The following HTT variants were observed in gnomAD, a reference collection of about 807,000 sequenced individuals.
HTT encodes huntington disease protein.
HTT carries 104 observed loss-of-function variants against 362.3 expected under a neutral mutation model. The observed-to-expected ratio is 0.29, with a 90% CI of 0.24 to 0.34. The LOEUF (loss-of-function observed/expected upper bound fraction) is 0.34, where lower values mean the gene tolerates loss of function less well. Among genes scored for constraint, HTT ranks in the 10% least tolerant of loss-of-function variants. The probability of loss-of-function intolerance (pLI) is 1.00; values close to 1 mark genes in which losing one functional copy is unlikely to be tolerated. For missense variants in HTT, 3,301 were observed against 3,928.6 expected (o/e 0.84, Z 4.27); for synonymous variants, 1,577 against 1,548.7 (o/e 1.02, Z -0.43).
At chr4:3,099,429 T>A in intron 3 of HTT, 35 bp downstream of exon 3, 1 of 1,611,196 alleles carries the variant, frequency 6.2e-7, no homozygotes, top group Non-Finnish European at 8.5e-7. Flanking sequence ...TCCTCAGAGC[T>A]ATCATTGTTG....
intron 42 of HTT, among the ~76,000 whole-genome samples, chr4:3,205,226 T>G (rs1189412310): frequency 6.6e-6 from 1 of 152,186 alleles, no homozygotes; most frequent in Non-Finnish European, 1.5e-5. Context: ...TAGATTTTGG[T>G]CTAGATTTAA....
At chr4:3,222,562 A>G in intron 54 of HTT, 75 bp downstream of exon 54, 1 of 1,074,438 alleles carries the variant, frequency 9.3e-7, no homozygotes, top group South Asian at 1.3e-5. Context: ...GGAATAAAAT[A>G]AGGCAGCAAG....
At chr4:3,207,185 T>A in intron 44 of HTT, 96 bp from the exon 45 acceptor site, 1 of 1,190,574 alleles carries the variant, frequency 8.4e-7, no homozygotes, top group South Asian at 1.3e-5. Context: ...CTTACTAGGA[T>A]GAACTGTACA....
chr4:3,205,556 A>G (rs1439391934), intron 42 of HTT, among the ~76,000 whole-genome samples: 2 of 152,220 alleles, frequency 1.3e-5, no homozygotes, highest in Non-Finnish European at 2.9e-5. Context: ...TTATAAGTTA[A>G]TAAAGTTTGA....
intron 52 of HTT, 131 bp from the exon 53 acceptor site, chr4:3,220,051 G>A (rs1578600926): frequency 1.1e-6 from 1 of 945,746 alleles, no homozygotes; most frequent in Non-Finnish European, 1.6e-6. Flanking sequence ...GGGGGAGAAG[G>A]TGCCAGCTCT....
At chr4:3,182,304 G>A (rs1219151010) in intron 36 of HTT, 50 bp from the exon 37 acceptor site, 3 of 1,184,450 alleles carry the variant, frequency 2.5e-6, no homozygotes, top group Non-Finnish European at 3.8e-6. Context: ...ACGTAGGGGT[G>A]GAAAGGCGTC....
intron 36 of HTT, among the ~76,000 whole-genome samples, chr4:3,181,441 TTTTCTTA>T (rs1347987219): frequency 2.6e-5 from 4 of 152,208 alleles, no homozygotes; most frequent in African/African-American, 4.8e-5. Flanking sequence ...TCTGGTTTTG[TTTTCTTA>T]AAGTGGCATA....
At chr4:3,156,898 C>T (rs542687114) in intron 27 of HTT, among the ~76,000 whole-genome samples, 174 bp from the exon 28 acceptor site, 12 of 152,170 alleles carry the variant, frequency 7.9e-5, no homozygotes, top group Non-Finnish European at 1.6e-4. Flanking sequence ...TTAGGCTCTA[C>T]TTATGTTTGT....
chr4:3,192,853 C>T (rs1278708284), intron 40 of HTT, among the ~76,000 whole-genome samples: 1 of 152,252 alleles, frequency 6.6e-6, no homozygotes, highest in Non-Finnish European at 1.5e-5. Context: ...TGAGGATACT[C>T]TTGGCGTGGC....
intron 1 of HTT, among the ~76,000 whole-genome samples, chr4:3,083,033 A>G (rs1331181455): frequency 6.6e-6 from 1 of 152,192 alleles, no homozygotes; most frequent in Non-Finnish European, 1.5e-5. Flanking sequence ...GCGGGAGAAG[A>G]GAGGTCCAGG....
At chr4:3,121,533 C>T (rs1251878243) in intron 9 of HTT, 101 bp downstream of exon 9, 30 of 747,332 alleles carry the variant, frequency 4.0e-5, no homozygotes, top group Non-Finnish European at 6.2e-5. Context: ...GTCTGCATTC[C>T]ATCTTCCTTG....
At chr4:3,233,980 C>T (rs765286610) in intron 61 of HTT, among the ~76,000 whole-genome samples, 14 of 152,206 alleles carry the variant, frequency 9.2e-5, no homozygotes, top group Non-Finnish European at 1.6e-4. Flanking sequence ...CTTCTGCACA[C>T]GGGAGCTGTC....
At chr4:3,216,950 G>T (rs886209962) in intron 51 of HTT, among the ~76,000 whole-genome samples, 1 of 151,082 alleles carries the variant, frequency 6.6e-6, no homozygotes, top group African/African-American at 2.4e-5. Context: ...GCGTGAACCC[G>T]GGAGGCGGAG....
rs1721858232 is a variant in HTT at position 3,242,644 on chromosome 4, C to A, written c.*2585C>A. 6.6e-6 allele frequency: 1 copy of A among 152,172 alleles called. No homozygotes were observed. Among genetic ancestry groups the A allele is most frequent in the Non-Finnish European group, 1.5e-5 (1 of 68,046 alleles). The allele number at this position is 152,172 out of a possible 1,614,324, so 9.4% of individuals were successfully genotyped here. A position where few individuals can be genotyped will look rare whatever the true frequency, so the allele number is the denominator to read the frequency against. ...CAGCTCTCTGCAGAAGGGAGGAAGA[C>A]TTTATCATGTTCCTAAAAATCTGTG... On this transcript the variant is annotated 3_prime_UTR_variant, in exon 67 of 67. Coordinates refer to ENST00000355072, the MANE Select transcript of HTT (RefSeq NM_001388492.1).
At chr4:3,217,654 A>G in intron 51 of HTT, 111 bp from the exon 52 acceptor site, 1 of 892,084 alleles carries the variant, frequency 1.1e-6, no homozygotes, top group Admixed American at 2.3e-5. Flanking sequence ...CTCAGAGTCT[A>G]AGTGGATTCC....
At chr4:3,192,873 T>A (rs1213176562) in intron 40 of HTT, among the ~76,000 whole-genome samples, 1 of 152,376 alleles carries the variant, frequency 6.6e-6, no homozygotes, top group South Asian at 2.1e-4. Flanking sequence ...CCCGCCTCCA[T>A]GCTAGCAGGC....
chr4:3,103,756 T>G, intron 3 of HTT, 68 bp from the exon 4 acceptor site: 2 of 957,168 alleles, frequency 2.1e-6, no homozygotes, highest in South Asian at 2.9e-5. Context: ...AATCTTAGTT[T>G]CCTTTTAGCT....
At chr4:3,094,554 C>T (rs1348351251) in intron 2 of HTT, among the ~76,000 whole-genome samples, 1 of 148,344 alleles carries the variant, frequency 6.7e-6, no homozygotes, top group Non-Finnish European at 1.5e-5. Flanking sequence ...TGCCCCCCAC[C>T]TCCCGGACGG....
intron 29 of HTT, among the ~76,000 whole-genome samples, chr4:3,167,034 A>G (rs1717750071): frequency 1.3e-5 from 2 of 151,086 alleles, no homozygotes; most frequent in Admixed American, 6.6e-5. Context: ...TCTCACTGGG[A>G]GCTGTAGACT....
Sources: allele counts gnomAD v4.1 joint callset (sites outside exome capture counted in the v4.1 genomes callset), GRCh38; gene constraint gnomAD v4.1.1; transcripts MANE v1.5; gene names NCBI Gene and HGNC (gene_info 2026-07-23, HGNC 2026-07-21).